GALNT16: variants seen among roughly 807,000 people sequenced by gnomAD.
The protein encoded by GALNT16 is UDP-GalNAc:polypeptide N-acetylgalactosaminyltransferase-like protein 1.
Under a neutral mutation model 76.1 loss-of-function variants are expected in GALNT16, and 40 were observed. That is an observed-to-expected ratio of 0.53 (90% CI 0.41 to 0.68). The LOEUF (loss-of-function observed/expected upper bound fraction) is 0.68. GALNT16 is among the 30% of genes least tolerant of loss of function. The pLI is 0.00. For synonymous variants in GALNT16, 276 were observed against 285.2 expected (o/e 0.97, Z 0.32); for missense variants, 621 against 731.9 (o/e 0.85, Z 1.75).
chr14:69,369,858 C>T, the GALNT16 span, among the ~76,000 whole-genome samples: 96 of 152,294 alleles, frequency 6.3e-4, no homozygotes, highest in African/African-American at 2.3e-3. Context: ...CCCAACCAGA[C>T]TGGGGAAGAT....
Position 69,325,211 on chromosome 14 carries a change from G to A in GALNT16, c.435-126G>A, listed in dbSNP as rs1044363741. The A allele has an allele frequency of 5.3e-5, 38 of 714,980 alleles. No individual in the cohort carries two copies. In the South Asian group the frequency reaches 5.4e-4, roughly 10 times the overall value. 44.3% of individuals were successfully genotyped at this position (714,980 alleles called of 1,614,324 possible). A position where few individuals can be genotyped will look rare whatever the true frequency, so the allele number is the denominator to read the frequency against. The stretch of plus-strand genomic sequence containing the variant: ...TGAACTTAGACAAGAATAGGATTCA[G>A]GTAGGAGCGCCCAGCATGCTGGCCC... On this transcript the variant is annotated intron_variant, in intron 3 of 14. Coordinates refer to ENST00000448469, the MANE Select transcript of GALNT16 (RefSeq NM_001168368.2).
chr14:69,283,653 G>A (rs1314536733), intron 1 of GALNT16, among the ~76,000 whole-genome samples: 1 of 152,178 alleles, frequency 6.6e-6, no homozygotes, highest in African/African-American at 2.4e-5. Flanking sequence ...CTTACTAGCT[G>A]TGTGACCTCA....
In GALNT16 at chr14:69,325,905, C is replaced by T; in HGVS notation, c.503-57C>T. ...GGGGCAATTTTCATGGCAGCCAAAC[C>T]ACTAGTGGCCTGATGCCCATGTCTA... On this transcript the variant is annotated intron_variant, in intron 4 of 14. Transcript: ENST00000448469. 2.2e-6 allele frequency: 3 copies of T among 1,387,366 alleles called. No individual in the cohort carries two copies. In the South Asian group the frequency reaches 3.5e-5, roughly 16 times the overall value. 85.9% of individuals were successfully genotyped at this position (1,387,366 alleles called of 1,614,324 possible).
At chr14:69,314,580 G>A (rs910701671) in intron 1 of GALNT16, among the ~76,000 whole-genome samples, 16 of 152,240 alleles carry the variant, frequency 1.1e-4, no homozygotes, top group African/African-American at 3.6e-4. Context: ...CAGCCCAGTG[G>A]GGTTGGCTAC....
intron 5 of GALNT16, among the ~76,000 whole-genome samples, chr14:69,326,751 G>A (rs1160828628): frequency 6.6e-6 from 1 of 152,228 alleles, no homozygotes; most frequent in Non-Finnish European, 1.5e-5. Flanking sequence ...CTCCCCTGCG[G>A]GCATCCGGTT....
At chr14:69,335,087 C>T (rs1791602356) in intron 9 of GALNT16, among the ~76,000 whole-genome samples, 1 of 152,192 alleles carries the variant, frequency 6.6e-6, no homozygotes. Context: ...ATCTAATGGG[C>T]GTATGCAGCT....
At chr14:69,299,883 C>T (rs1468055879) in intron 1 of GALNT16, among the ~76,000 whole-genome samples, 4 of 152,162 alleles carry the variant, frequency 2.6e-5, no homozygotes, top group African/African-American at 9.7e-5. Flanking sequence ...CAGATTCTGT[C>T]CTTATCTCCT....
At chr14:69,302,168 A>G (rs532006103) in intron 1 of GALNT16, among the ~76,000 whole-genome samples, 1 of 152,350 alleles carries the variant, frequency 6.6e-6, no homozygotes, top group Admixed American at 6.5e-5. Context: ...TAATGATGTT[A>G]AAGTATTAGT....
intron 2 of GALNT16, among the ~76,000 whole-genome samples, chr14:69,321,836 G>A (rs188291759): frequency 6.0e-4 from 91 of 152,340 alleles, no homozygotes; most frequent in African/African-American, 2.1e-3. Context: ...TGGCCAGGGC[G>A]CTGTTGGAGC....
chr14:69,385,616 G>A, the GALNT16 span, among the ~76,000 whole-genome samples: 1 of 138,182 alleles, frequency 7.2e-6, no homozygotes, highest in East Asian at 2.1e-4. Context: ...CCATTTTTCT[G>A]TTCTTTCAAG....
intron 6 of GALNT16, among the ~76,000 whole-genome samples, chr14:69,329,645 G>T (rs530933858): frequency 6.6e-6 from 1 of 152,078 alleles, no homozygotes; most frequent in African/African-American, 2.4e-5. Flanking sequence ...AGGTTTAATC[G>T]GCTCACGTTG....
At chr14:69,325,929 TA>T in intron 4 of GALNT16, 32 bp from the exon 5 acceptor site, 1 of 1,589,558 alleles carries the variant, frequency 6.3e-7, no homozygotes, top group Non-Finnish European at 8.6e-7. Flanking sequence ...TGCCCATGTC[TA>T]AATGAGCTTG....
chr14:69,290,646 G>T (rs888666426), intron 1 of GALNT16, among the ~76,000 whole-genome samples: 1 of 152,204 alleles, frequency 6.6e-6, no homozygotes, highest in East Asian at 1.9e-4. Context: ...TGTGACTCTT[G>T]AAAGTGCCTC....
intron 9 of GALNT16, among the ~76,000 whole-genome samples, chr14:69,336,695 A>C (rs2045419057): frequency 6.7e-6 from 1 of 149,030 alleles, no homozygotes; most frequent in Non-Finnish European, 1.5e-5. Context: ...TGCTGTATTT[A>C]TTTTATTTTT....
chr14:69,283,622 G>T (rs1050298592), intron 1 of GALNT16, among the ~76,000 whole-genome samples: 2 of 152,106 alleles, frequency 1.3e-5, no homozygotes, highest in Admixed American at 6.5e-5. Flanking sequence ...TAACTGTCTG[G>T]GTTCAAATTT....
downstream of GALNT16, among the ~76,000 whole-genome samples, chr14:69,361,381 T>C (rs975760153): frequency 1.3e-5 from 2 of 152,224 alleles, no homozygotes; most frequent in African/African-American, 4.8e-5. Flanking sequence ...GAAGTTAACA[T>C]ATCTGCCCAA....
chr14:69,325,316 C>T (rs935483406), intron 3 of GALNT16, 21 bp from the exon 4 acceptor site: 1 of 1,518,754 alleles, frequency 6.6e-7, no homozygotes, highest in Non-Finnish European at 9.2e-7. Context: ...GGCTCTTTCT[C>T]TGTTTCCACT....
intron 1 of GALNT16, among the ~76,000 whole-genome samples, chr14:69,290,590 C>T (rs2044676469): frequency 1.3e-5 from 2 of 152,146 alleles, no homozygotes; most frequent in Admixed American, 6.5e-5. Flanking sequence ...TCTCATTGAC[C>T]CCAAGATGCT....
intron 9 of GALNT16, among the ~76,000 whole-genome samples, chr14:69,336,101 C>T (rs906473564): frequency 5.3e-5 from 8 of 152,138 alleles, no homozygotes; most frequent in Non-Finnish European, 8.8e-5. Flanking sequence ...CCTCACTCCA[C>T]GTGGGCTGCA....
Sources: gnomAD v4.1 joint callset for allele counts (sites outside exome capture counted in the v4.1 genomes callset) on GRCh38, gnomAD v4.1.1 for gene constraint, MANE v1.5 for transcripts, NCBI Gene and HGNC (gene_info 2026-07-23, HGNC 2026-07-21) for gene names.